Variants in TMEM18 observed in about 807,000 individuals in gnomAD.
TMEM18 encodes the protein transmembrane protein 18.
TMEM18 carries 14 observed loss-of-function variants against 17.4 expected under a neutral mutation model. That is an observed-to-expected ratio of 0.80 (90% CI 0.53 to 1.25). The LOEUF (loss-of-function observed/expected upper bound fraction) is 1.25. TMEM18 is among the 50% of genes most tolerant of loss of function. The pLI, the probability that TMEM18 is intolerant of heterozygous loss-of-function variation, is 0.00. For synonymous variants in TMEM18, 86 were observed against 66.1 expected, an observed-to-expected ratio of 1.30 and a Z score of -1.46; for missense variants, 187 against 172.1, an observed-to-expected ratio of 1.09 and a Z score of -0.48.
chr2:676,059 C>T (rs1445123667), intron 1 of TMEM18: 1 of 1,320,772 alleles, frequency 7.6e-7, no homozygotes, highest in East Asian at 5.2e-5. Context: ...TTGGCTCAGC[C>T]CCAAAGGTAA....
At chr2:675,992 T>G in intron 1 of TMEM18, 1 of 1,307,556 alleles carries the variant, frequency 7.6e-7, no homozygotes, top group Non-Finnish European at 1.0e-6. Context: ...CGATGATAAT[T>G]GGTTATGATA....
rs1461104550 is a variant in TMEM18 at position 668,697 on chromosome 2, G to T, written c.*883C>A. On this transcript the variant is annotated 3_prime_UTR_variant, in exon 5 of 5. Coordinates refer to ENST00000281017, the MANE Select transcript of TMEM18 (RefSeq NM_152834.4). ...CATTTGACAGGAACCAAGAGCCACT[G>T]GGCAGGAGCTATTTTATAAAGTGGA... 6.6e-6 allele frequency: 1 copy of T among 152,208 alleles called. No individual in the cohort carries two copies. 9.4% of individuals were successfully genotyped at this position (152,208 alleles called of 1,614,324 possible).
At chr2:674,781 G>C (rs4854354) in intron 2 of TMEM18, among the ~76,000 whole-genome samples, 150,870 of 152,384 alleles carry the variant, frequency 0.99, 74,700 homozygotes, top group East Asian at 1. Context: ...CCCCAATGTT[G>C]AGAGTCAAGA....
Position 675,495 on chromosome 2 carries a change from T to G in TMEM18, c.178+15A>C. ...ACAGTGATCTGAGTTGTGGAGTTTG[T>G]GTTGTTTTACTCACCTAGACACAGA... On this transcript the variant is annotated intron_variant, in intron 2 of 4. Coordinates refer to ENST00000281017, the MANE Select transcript of TMEM18 (RefSeq NM_152834.4). 1.2e-6 allele frequency: 2 copies of G among 1,614,166 alleles called. No homozygotes were observed. Among genetic ancestry groups the G allele is most frequent in the Non-Finnish European group, 1.7e-6 (2 of 1,180,010 alleles).
intron 3 of TMEM18, among the ~76,000 whole-genome samples, chr2:671,464 CTGGG>C (rs1194949719): frequency 1.6e-4 from 1 of 6,266 alleles, no homozygotes; most frequent in African/African-American, 1.2e-3. Context: ...CAGGGTCCTC[CTGGG>C]ACTGAACCAT....
intron 1 of TMEM18, chr2:676,160 A>AT: frequency 7.5e-7 from 1 of 1,333,806 alleles, no homozygotes; most frequent in Non-Finnish European, 9.9e-7. Flanking sequence ...GATTTTCTCC[A>AT]ACCTCTCTGC....
rs1216071664 is a variant in TMEM18, at chr2:667,554, G to A, written c.*2026C>T. 2 of 152,228 alleles carry A rather than the reference G, an allele frequency of 1.3e-5. No individual in the cohort carries two copies. Among genetic ancestry groups the A allele is most frequent in the African/African-American group, 4.8e-5 (2 of 41,450 alleles). The allele number at this position is 152,228 out of a possible 1,614,324, so 9.4% of individuals were successfully genotyped here. A position where few individuals can be genotyped will look rare whatever the true frequency, so the allele number is the denominator to read the frequency against. On this transcript the variant is annotated 3_prime_UTR_variant, in exon 5 of 5. Coordinates refer to ENST00000281017, the MANE Select transcript of TMEM18 (RefSeq NM_152834.4). ...TCTGTGCAACCCCCAGTGCTTTAAAGTGGGATTGCACCTGTGCTTTCGTAA... is the reference window on the plus strand; with the variant it reads ...TCTGTGCAACCCCCAGTGCTTTAAAATGGGATTGCACCTGTGCTTTCGTAA...
chr2:663,906 A>T lies in TMEM18; in HGVS notation c.*5674T>A, dbSNP rs1166853572. The stretch of plus-strand genomic sequence containing the variant: ...AAGAGCAAAAAAGCCAACATGAGTA[A>T]CTTTATTTATAAAGGTGTCACAGTT... On this transcript the variant is annotated 3_prime_UTR_variant, in exon 5 of 5. Coordinates refer to ENST00000281017, the MANE Select transcript of TMEM18 (RefSeq NM_152834.4). Among the ~76,000 whole-genome samples, 1 of 152,262 alleles carries T rather than the reference A, an allele frequency of 6.6e-6. No individual in the cohort carries two copies. The highest frequency in any genetic ancestry group is 1.5e-5 in the Non-Finnish European group (1 of 68,056).
rs1678671033 is a variant in TMEM18, at chr2:665,725, G to A, written c.*3855C>T. Among the ~76,000 whole-genome samples, 1 of 146,660 alleles carries A rather than the reference G, an allele frequency of 6.8e-6. No individual in the cohort carries two copies. The highest frequency in any genetic ancestry group is 1.5e-5 in the Non-Finnish European group (1 of 67,408). ...AACCCTACATACAACAGGACCCAGAGATGCAGATGCCCCACTCACTCAGAT... is the reference window on the plus strand; with the variant it reads ...AACCCTACATACAACAGGACCCAGAAATGCAGATGCCCCACTCACTCAGAT... On this transcript the variant is annotated 3_prime_UTR_variant, in exon 5 of 5. Coordinates refer to ENST00000281017, the MANE Select transcript of TMEM18 (RefSeq NM_152834.4).
chr2:676,535 T>G (rs1332985816), intron 1 of TMEM18: 3 of 1,548,072 alleles, frequency 1.9e-6, no homozygotes, highest in Non-Finnish European at 8.7e-7. Context: ...CGCCATGACA[T>G]AAGGACACAA....
In TMEM18 at chr2:667,327, ATAC is replaced by A. The variant is rs1239614717; in HGVS notation, c.*2250_*2252del. 1 of 152,222 alleles carries A rather than the reference ATAC, an allele frequency of 6.6e-6. No homozygotes were observed. Among genetic ancestry groups the A allele is most frequent in the African/African-American group, 2.4e-5 (1 of 41,448 alleles). The allele number at this position is 152,222 out of a possible 1,614,324, so 9.4% of individuals were successfully genotyped here. ...ATTTTTTTGAAAAAAACAAAAAAAA[ATAC>A]TACATATTATTAAAGATGTATTTTA... On this transcript the variant is annotated 3_prime_UTR_variant, in exon 5 of 5. Transcript: ENST00000281017.
At chr2:676,666 G>C in intron 1 of TMEM18, 1 of 1,546,904 alleles carries the variant, frequency 6.5e-7, no homozygotes, top group African/African-American at 1.4e-5. Context: ...CACGTGGGGC[G>C]TGGGCTCCCC....
At chr2:672,965 T>A in intron 2 of TMEM18, 103 bp from the exon 3 acceptor site, 1 of 1,123,238 alleles carries the variant, frequency 8.9e-7, no homozygotes, top group Non-Finnish European at 1.2e-6. Context: ...AATGTCACTT[T>A]AATTTTAAAC....
At chr2:670,923 G>C (rs1200012275) in intron 3 of TMEM18, 1 of 152,382 alleles carries the variant, frequency 6.6e-6, no homozygotes. Flanking sequence ...ACGGCTTAGG[G>C]ACCGCTGCAT....
chr2:675,452 T>C (rs1055464789), intron 2 of TMEM18, 58 bp downstream of exon 2: 5 of 1,611,800 alleles, frequency 3.1e-6, no homozygotes, highest in African/African-American at 1.3e-5. Flanking sequence ...AGACAGAACA[T>C]ACACAGTTTC....
rs1678643804 is a variant in TMEM18 at position 665,057 on chromosome 2, A to T, written c.*4523T>A. Among the ~76,000 whole-genome samples the T allele has an allele frequency of 6.6e-6, 1 of 152,236 alleles. No homozygotes were observed. Among genetic ancestry groups the T allele is most frequent in the Admixed American group, 6.5e-5 (1 of 15,284 alleles). ...GTTCCAAAGATATCCAATGTTATATAAGAAATAACCAAACATGGGTAAGGC... is the reference window on the plus strand; with the variant it reads ...GTTCCAAAGATATCCAATGTTATATTAGAAATAACCAAACATGGGTAAGGC... On this transcript the variant is annotated 3_prime_UTR_variant, in exon 5 of 5. Transcript: ENST00000281017.
At chr2:672,657 T>A (rs112201485) in intron 3 of TMEM18, 151 bp downstream of exon 3, 1 of 558,634 alleles carries the variant, frequency 1.8e-6, no homozygotes. Context: ...GGAGTCACCC[T>A]GGAGCCCACC....
rs1201467044 is a variant in TMEM18 at position 663,938 on chromosome 2, A to C, written c.*5642T>G. Among the ~76,000 whole-genome samples, 1 of 152,252 alleles carries C rather than the reference A, an allele frequency of 6.6e-6. No individual in the cohort carries two copies. Among genetic ancestry groups the C allele is most frequent in the Admixed American group, 6.5e-5 (1 of 15,290 alleles). The stretch of plus-strand genomic sequence containing the variant: ...TTATAAAGGTGTCACAGTTCTTGGC[A>C]AGTAAATCCATTCCTAGGTAAACCA... On this transcript the variant is annotated 3_prime_UTR_variant, in exon 5 of 5. Coordinates refer to ENST00000281017, the MANE Select transcript of TMEM18 (RefSeq NM_152834.4).
chr2:675,711 G>GC, intron 1 of TMEM18, 81 bp from the exon 2 acceptor site: 1 of 1,566,628 alleles, frequency 6.4e-7, no homozygotes. Flanking sequence ...TTCTCCCAGC[G>GC]CAGGAGGCAG....
Sources: allele counts gnomAD v4.1 joint callset (sites outside exome capture counted in the v4.1 genomes callset), GRCh38; gene constraint gnomAD v4.1.1; transcripts MANE v1.5; gene names NCBI Gene and HGNC (gene_info 2026-07-23, HGNC 2026-07-21).